The following POFUT2 variants were observed in gnomAD, a reference collection of about 807,000 sequenced individuals.
The protein encoded by POFUT2 is protein O-fucosyltransferase 2, also known as GDP-fucose protein O-fucosyltransferase 2.
Under a neutral mutation model 55.0 loss-of-function variants are expected in POFUT2, and 30 were observed. The observed-to-expected ratio is 0.55, with a 90% CI of 0.41 to 0.74. POFUT2 has a LOEUF of 0.74. POFUT2 is among the 30% of genes least tolerant of loss of function. The pLI, the probability that POFUT2 is intolerant of heterozygous loss-of-function variation, is 0.00. For missense variants in POFUT2, 524 were observed against 562.6 expected, an observed-to-expected ratio of 0.93 and a Z score of 0.69; for synonymous variants, 267 against 231.1, an observed-to-expected ratio of 1.16 and a Z score of -1.41.
chr21:45,276,313 C>T (rs979977145), intron 6 of POFUT2, among the ~76,000 whole-genome samples: 18 of 151,140 alleles, frequency 1.2e-4, no homozygotes, highest in African/African-American at 4.1e-4. Flanking sequence ...TATTTTTTCC[C>T]CAGTAAAAAC....
chr21:45,282,699 G>T lies in POFUT2; in HGVS notation c.528-240C>A. ...CCCCATGATAGGGGCTGGCGGGATGGCCGGGGAGGCAGAGGGAGCCGGACA... is the reference window on the plus strand; with the variant it reads ...CCCCATGATAGGGGCTGGCGGGATGTCCGGGGAGGCAGAGGGAGCCGGACA... On this transcript the variant is annotated intron_variant, in intron 3 of 8. Coordinates refer to ENST00000349485, the MANE Select transcript of POFUT2 (RefSeq NM_133635.6). This position sits in a 1 kb window ranked among gnomAD's most constrained non-coding sequence, Gnocchi z 4.6. 1 of 558,574 alleles carries T rather than the reference G, an allele frequency of 1.8e-6. No homozygotes were observed. Among genetic ancestry groups the T allele is most frequent in the South Asian group, 1.7e-5 (1 of 57,446 alleles). 34.6% of individuals were successfully genotyped at this position (558,574 alleles called of 1,614,324 possible).
intron 6 of POFUT2, among the ~76,000 whole-genome samples, chr21:45,272,323 A>G (rs1443671938): frequency 6.6e-6 from 1 of 152,244 alleles, no homozygotes; most frequent in African/African-American, 2.4e-5. Context: ...AACATTATAT[A>G]ATGATAAAAG....
rs2093172742 is a variant in POFUT2 at position 45,267,984 on chromosome 21, T to TTCTCCCTCTCCCTCTCCCCACGGTCTCCC, written c.1013-300_1013-272dup. 6.7e-6 allele frequency among the ~76,000 whole-genome samples: 1 copy of TTCTCCCTCTCCCTCTCCCCACGGTCTCCC among 150,374 alleles called. No homozygotes were observed. Among genetic ancestry groups the TTCTCCCTCTCCCTCTCCCCACGGTCTCCC allele is most frequent in the Admixed American group, 6.6e-5 (1 of 15,224 alleles). On this transcript the variant is annotated intron_variant, in intron 7 of 8. Coordinates refer to ENST00000349485, the MANE Select transcript of POFUT2 (RefSeq NM_133635.6). The surrounding 1 kb of genome is among the most constrained non-coding windows in gnomAD (Gnocchi z 4.4). ...AGAAACGTGCTCCCTCTCCCTCTCCTTCTCCCTCTCCCTCTCCCCACGGTC... is the reference window on the plus strand; with the variant it reads ...AGAAACGTGCTCCCTCTCCCTCTCCTTCTCCCTCTCCCTCTCCCCACGGTCTCCCTCTCCCTCTCCCTCTCCCCACGGTC...
rs2030709976 is a variant in POFUT2 at position 45,282,037 on chromosome 21, G to C, written c.638+312C>G. On this transcript the variant is annotated intron_variant, in intron 4 of 8. Coordinates refer to ENST00000349485, the MANE Select transcript of POFUT2 (RefSeq NM_133635.6). The surrounding 1 kb of genome is among the most constrained non-coding windows in gnomAD (Gnocchi z 4.6). ...AAGCTGCCCAAGTGCTACAAATCGA[G>C]AACAGTCTCATGGTGAGCTCCCCGC... Among the ~76,000 whole-genome samples the C allele has an allele frequency of 6.6e-6, 1 of 152,138 alleles. No individual in the cohort carries two copies. Among genetic ancestry groups the C allele is most frequent in the African/African-American group, 2.4e-5 (1 of 41,438 alleles).
rs567019427 is a variant in POFUT2 at position 45,282,047 on chromosome 21, A to G, written c.638+302T>C. ...AGTGCTACAAATCGAGAACAGTCTC[A>G]TGGTGAGCTCCCCGCCGCCCCCAGC... is the stretch of plus-strand genomic sequence containing the variant. On this transcript the variant is annotated intron_variant, in intron 4 of 8. Transcript: ENST00000349485. This position sits in a 1 kb window ranked among gnomAD's most constrained non-coding sequence, Gnocchi z 4.6. 2.0e-5 allele frequency among the ~76,000 whole-genome samples: 3 copies of G among 152,258 alleles called. No individual in the cohort carries two copies. The highest frequency in any genetic ancestry group is 7.2e-5 in the African/African-American group (3 of 41,554).
At chr21:45,272,197 A>C (rs1423484254) in intron 6 of POFUT2, among the ~76,000 whole-genome samples, 1 of 152,214 alleles carries the variant, frequency 6.6e-6, no homozygotes, top group African/African-American at 2.4e-5. Context: ...CACAAACTTA[A>C]GGTAAAGGGG....
At chr21:45,283,316 GGGGGACGCATGCGGCAGGGGGAGGT>G in intron 3 of POFUT2, 42 bp downstream of exon 3, 3 of 817,190 alleles carry the variant, frequency 3.7e-6, no homozygotes, top group Non-Finnish European at 3.4e-6. Flanking sequence ...GGCGGGGGGG[GGGGGACGCATGCGGCAGGGGGAGGT>G]GGGGGGGCAC....
At position 45,282,694 on chromosome 21, in the gene POFUT2, G is replaced by A. The variant is rs908762894; in HGVS notation, c.528-235C>T. ...GCTTTCCCCATGATAGGGGCTGGCG[G>A]GATGGCCGGGGAGGCAGAGGGAGCC... is the stretch of plus-strand genomic sequence containing the variant. On this transcript the variant is annotated intron_variant, in intron 3 of 8. Coordinates refer to ENST00000349485, the MANE Select transcript of POFUT2 (RefSeq NM_133635.6). This position sits in a 1 kb window ranked among gnomAD's most constrained non-coding sequence, Gnocchi z 4.6. 1.2e-4 allele frequency: 66 copies of A among 561,294 alleles called. No homozygotes were observed. Among genetic ancestry groups the A allele is most frequent in the African/African-American group, 1.1e-3 (56 of 53,316 alleles). 34.8% of individuals were successfully genotyped at this position (561,294 alleles called of 1,614,324 possible).
In POFUT2 at chr21:45,284,925, G is replaced by C. The variant is rs1040944697; in HGVS notation, c.382+753C>G. On this transcript the variant is annotated intron_variant, in intron 2 of 8. Coordinates refer to ENST00000349485, the MANE Select transcript of POFUT2 (RefSeq NM_133635.6). This position sits in a 1 kb window ranked among gnomAD's most constrained non-coding sequence, Gnocchi z 5.8. ...CACTCACAAGACTGACCTTGACACA[G>C]AAAACATTTCAGAGTGACAAGATCT... Among the ~76,000 whole-genome samples the C allele has an allele frequency of 1.3e-5, 2 of 152,172 alleles. No homozygotes were observed. The highest frequency in any genetic ancestry group is 2.9e-5 in the Non-Finnish European group (2 of 68,040).
At chr21:45,268,840 C>A (rs374000219) in intron 7 of POFUT2, among the ~76,000 whole-genome samples, 1 of 95,808 alleles carries the variant, frequency 1.0e-5, no homozygotes, top group African/African-American at 4.0e-5. Flanking sequence ...CCCGGCCAGC[C>A]GCCCCGTCCG....
At chr21:45,279,491 CA>C (rs2146633001) in intron 4 of POFUT2, among the ~76,000 whole-genome samples, 1 of 152,358 alleles carries the variant, frequency 6.6e-6, no homozygotes, top group South Asian at 2.1e-4. Flanking sequence ...AATAACATTT[CA>C]AAAGGCTTTT....
Position 45,282,233 on chromosome 21 carries a change from T to C in POFUT2, c.638+116A>G, listed in dbSNP as rs1268083692. On this transcript the variant is annotated intron_variant, in intron 4 of 8. Transcript: ENST00000349485. The surrounding 1 kb of genome is among the most constrained non-coding windows in gnomAD (Gnocchi z 4.6). ...CCCCCAGGGCCCCCAGGGTCCGCTG[T>C]CTGTGAGGTGGGTGGGCCAGGGATG... is the stretch of plus-strand genomic sequence containing the variant. 1 of 718,450 alleles carries C rather than the reference T, an allele frequency of 1.4e-6. No homozygotes were observed. Among genetic ancestry groups the C allele is most frequent in the Non-Finnish European group, 2.4e-6 (1 of 415,510 alleles). 44.5% of individuals were successfully genotyped at this position (718,450 alleles called of 1,614,324 possible).
chr21:45,277,327 T>C lies in POFUT2; in HGVS notation c.706-185A>G, dbSNP rs1160512334. ...GGAGGCTCTTGGAGGGTCTCCTGCA[T>C]GAAGCCAACGCAGGGCAAGCCGCCC... On this transcript the variant is annotated intron_variant, in intron 5 of 8. Transcript: ENST00000349485. The surrounding 1 kb of genome is among the most constrained non-coding windows in gnomAD (Gnocchi z 6.9). The C allele has an allele frequency of 6.5e-6, 5 of 766,558 alleles. No homozygotes were observed. The highest frequency in any genetic ancestry group is 8.0e-6 in the Non-Finnish European group (4 of 497,946). The allele number at this position is 766,558 out of a possible 1,614,324, so 47.5% of individuals were successfully genotyped here.
At position 45,277,355 on chromosome 21, in the gene POFUT2, C is replaced by A; in HGVS notation, c.706-213G>T. The stretch of plus-strand genomic sequence containing the variant: ...AGCCAACGCAGGGCAAGCCGCCCAC[C>A]CCTGCCGGCTCTGCCAGCCCCTGCC... On this transcript the variant is annotated intron_variant, in intron 5 of 8. Coordinates refer to ENST00000349485, the MANE Select transcript of POFUT2 (RefSeq NM_133635.6). The surrounding 1 kb of genome is among the most constrained non-coding windows in gnomAD (Gnocchi z 6.9). 1.7e-6 allele frequency: 1 copy of A among 593,732 alleles called. No individual in the cohort carries two copies. Among genetic ancestry groups the A allele is most frequent in the South Asian group, 2.0e-5 (1 of 49,966 alleles). 36.8% of individuals were successfully genotyped at this position (593,732 alleles called of 1,614,324 possible).
rs764629688 is a variant in POFUT2 at position 45,282,784 on chromosome 21, C to T, written c.528-325G>A. ...CTGTGACCGTCAGCCAAGTCAACCG[C>T]GCCCTTCCCAAGAGCTCACCTGCCA... On this transcript the variant is annotated intron_variant, in intron 3 of 8. Transcript: ENST00000349485. The surrounding 1 kb of genome is among the most constrained non-coding windows in gnomAD (Gnocchi z 4.6). 98 of 507,338 alleles carry T rather than the reference C, an allele frequency of 1.9e-4. No individual in the cohort carries two copies. The highest frequency in any genetic ancestry group is 1.7e-3 in the Admixed American group (72 of 43,616). The allele number at this position is 507,338 out of a possible 1,614,324, so 31.4% of individuals were successfully genotyped here. A position where few individuals can be genotyped will look rare whatever the true frequency, so the allele number is the denominator to read the frequency against.
At chr21:45,272,419 A>G (rs892391751) in intron 6 of POFUT2, among the ~76,000 whole-genome samples, 1 of 152,232 alleles carries the variant, frequency 6.6e-6, no homozygotes, top group African/African-American at 2.4e-5. Flanking sequence ...AATTACTACT[A>G]GACCTAAAAA....
rs544288746 is a variant in POFUT2 at position 45,286,695 on chromosome 21, C to A, written c.132-767G>T. On this transcript the variant is annotated intron_variant, in intron 1 of 8. Coordinates refer to ENST00000349485, the MANE Select transcript of POFUT2 (RefSeq NM_133635.6). ...AAGGCACAGACAAGTCCCCAAGGCA[C>A]AGACAAGTCCCCAAGGGCTACAGAA... Among the ~76,000 whole-genome samples the A allele has an allele frequency of 1.6e-4, 24 of 152,262 alleles. No individual in the cohort carries two copies. In the South Asian group the frequency reaches 5.0e-3, roughly 32 times the overall value.
At position 45,284,729 on chromosome 21, in the gene POFUT2, A is replaced by G. The variant is rs935363312; in HGVS notation, c.382+949T>C. On this transcript the variant is annotated intron_variant, in intron 2 of 8. Transcript: ENST00000349485. The surrounding 1 kb of genome is among the most constrained non-coding windows in gnomAD (Gnocchi z 5.8). ...ATGTTCAGACCGAGGGCTGGCTGCTAGTTAGACCCAATACCCAACCACAGC... is the reference window on the plus strand; with the variant it reads ...ATGTTCAGACCGAGGGCTGGCTGCTGGTTAGACCCAATACCCAACCACAGC... Among the ~76,000 whole-genome samples, 1 of 152,206 alleles carries G rather than the reference A, an allele frequency of 6.6e-6. No homozygotes were observed. Among genetic ancestry groups the G allele is most frequent in the African/African-American group, 2.4e-5 (1 of 41,436 alleles).
In POFUT2 at chr21:45,267,790, C is replaced by T. The variant is rs1410198390; in HGVS notation, c.1013-77G>A. On this transcript the variant is annotated intron_variant, in intron 7 of 8. Transcript: ENST00000349485. The surrounding 1 kb of genome is among the most constrained non-coding windows in gnomAD (Gnocchi z 4.4). Reference sequence around the variant, plus strand: ...GATACGTGACTCTTTAGCAGACAGACATGCGTACTTGGCTTCTGGTTAATT... The same window carrying T: ...GATACGTGACTCTTTAGCAGACAGATATGCGTACTTGGCTTCTGGTTAATT... 1.5e-6 allele frequency: 2 copies of T among 1,311,142 alleles called. No homozygotes were observed. The highest frequency in any genetic ancestry group is 2.2e-6 in the Non-Finnish European group (2 of 922,760). 81.2% of individuals were successfully genotyped at this position (1,311,142 alleles called of 1,614,324 possible).
Sources: gnomAD v4.1 joint callset for allele counts (sites outside exome capture counted in the v4.1 genomes callset) on GRCh38, gnomAD v4.1.1 for gene constraint, Gnocchi (gnomAD v3.1) non-coding constraint, MANE v1.5 for transcripts, NCBI Gene and HGNC (gene_info 2026-07-23, HGNC 2026-07-21) for gene names.